PRPS2: variants seen among roughly 807,000 people sequenced by gnomAD.
PRPS2 encodes ribose-phosphate pyrophosphokinase 2.
For missense variants in PRPS2, 104 were observed against 271.5 expected, an observed-to-expected ratio of 0.38 and a Z score of 4.34; for synonymous variants, 111 against 115.3, an observed-to-expected ratio of 0.96 and a Z score of 0.24.
At chrX:12,806,658 T>C (rs1001848193) in intron 2 of PRPS2, among the ~76,000 whole-genome samples, 4 of 112,587 alleles carry the variant, frequency 3.6e-5, no homozygotes, top group African/African-American at 1.3e-4. Flanking sequence ...GGAATTACCC[T>C]GTGGTTTGGA....
At chrX:12,815,898 C>T (rs2042645559) in intron 4 of PRPS2, among the ~76,000 whole-genome samples, 1 of 112,089 alleles carries the variant, frequency 8.9e-6, no homozygotes, top group African/African-American at 3.2e-5. Context: ...CCACCTCGGC[C>T]TCCCAAAGTG....
intron 4 of PRPS2, 128 bp downstream of exon 4, chrX:12,810,274 G>T: frequency 1.1e-6 from 1 of 877,080 alleles, no homozygotes; most frequent in South Asian, 2.7e-5. Flanking sequence ...CAAGTAAGTA[G>T]ACCGCAGGCT....
At chrX:12,795,085 C>T (rs1005978985) in intron 1 of PRPS2, among the ~76,000 whole-genome samples, 3 of 111,252 alleles carry the variant, frequency 2.7e-5, no homozygotes, top group South Asian at 7.7e-4. Context: ...TTGGCCTCTT[C>T]ACCTTCAATG....
intron 4 of PRPS2, among the ~76,000 whole-genome samples, chrX:12,818,488 G>C (rs887649313): frequency 3.6e-5 from 4 of 110,768 alleles, no homozygotes; most frequent in African/African-American, 9.9e-5. Context: ...GCCCCAGAGA[G>C]TGTCCCCTCT....
intron 4 of PRPS2, among the ~76,000 whole-genome samples, chrX:12,814,494 T>C (rs1342806919): frequency 8.9e-6 from 1 of 112,753 alleles, no homozygotes; most frequent in Non-Finnish European, 1.9e-5. Context: ...TATCTGTGAC[T>C]TCTTTGCTTG....
intron 2 of PRPS2, among the ~76,000 whole-genome samples, chrX:12,802,907 G>A: frequency 8.9e-6 from 1 of 111,817 alleles, no homozygotes; most frequent in Non-Finnish European, 1.9e-5. Flanking sequence ...CCACGCAGAG[G>A]CAGGGCGGTT....
chrX:12,810,216 A>G, intron 4 of PRPS2, 70 bp downstream of exon 4: 2 of 1,160,601 alleles, frequency 1.7e-6, no homozygotes, highest in South Asian at 3.9e-5. Flanking sequence ...GATGTATTAG[A>G]TAAGGAAGCA....
intron 1 of PRPS2, 134 bp downstream of exon 1, chrX:12,791,753 C>A: frequency 1.6e-6 from 1 of 622,592 alleles, no homozygotes; most frequent in East Asian, 1.6e-4. Context: ...ACGGTGGCAA[C>A]GCGGCCTCCG....
chrX:12,813,404 G>T (rs2042633188), intron 4 of PRPS2, among the ~76,000 whole-genome samples: 1 of 112,232 alleles, frequency 8.9e-6, no homozygotes, highest in African/African-American at 3.2e-5. Flanking sequence ...TTGACATTTT[G>T]TACACGTGTG....
In PRPS2 at chrX:12,819,587, G is replaced by A. The variant is rs752956171; in HGVS notation, c.611G>A (p.Arg204Gln). ...AGGAAGAAGGCGAATGAAGTGGACC[G>A]GATGGTCCTGGTGGGCGACGTGAAG... is the stretch of plus-strand genomic sequence containing the variant. The part of the protein sequence containing the change: ...KERKKANEVD[R>Q]MVLVGDVKDR... The change falls in exon 5 of 7, where the codon CGG (arginine) becomes CAG (glutamine). Residue 204 changes from arginine to glutamine, a missense_variant. By Grantham distance (43) the Arg-to-Gln change is conservative. Coordinates refer to ENST00000380668, the MANE Select transcript of PRPS2 (RefSeq NM_002765.5). 4.1e-6 allele frequency: 5 copies of A among 1,210,251 alleles called. No individual in the cohort carries two copies. The African/African-American group carries it at 5.2e-5, about 13-fold the overall frequency.
intron 4 of PRPS2, among the ~76,000 whole-genome samples, chrX:12,818,490 G>A (rs1238570591): frequency 9.0e-6 from 1 of 110,643 alleles, no homozygotes; most frequent in East Asian, 2.8e-4. Flanking sequence ...CCCAGAGAGT[G>A]TCCCCTCTGT....
chrX:12,823,190 G>A lies in PRPS2; in HGVS notation c.*394G>A. ...AGGTGACTTCAGATTAAAGCCTTCT[G>A]TGTAAATATATACTGATAATGCCTA... On this transcript the variant is annotated 3_prime_UTR_variant, in exon 7 of 7. Coordinates refer to ENST00000380668, the MANE Select transcript of PRPS2 (RefSeq NM_002765.5). 7.2e-6 allele frequency: 1 copy of A among 138,084 alleles called. No individual in the cohort carries two copies. The highest frequency in any genetic ancestry group is 2.3e-4 in the East Asian group (1 of 4,300). The allele number at this position is 138,084 out of a possible 1,213,427, so 11.4% of individuals were successfully genotyped here. A position where few individuals can be genotyped will look rare whatever the true frequency, so the allele number is the denominator to read the frequency against.
chrX:12,807,195 C>G (rs893585672), intron 2 of PRPS2, among the ~76,000 whole-genome samples: 1 of 112,359 alleles, frequency 8.9e-6, no homozygotes, highest in African/African-American at 3.2e-5. Context: ...GCTGCGTCCT[C>G]CAGAGGGAAG....
At chrX:12,805,509 A>C (rs1314806815) in intron 2 of PRPS2, among the ~76,000 whole-genome samples, 1 of 112,359 alleles carries the variant, frequency 8.9e-6, no homozygotes. Flanking sequence ...GTGTGAAAGC[A>C]GCCATTAGTC....
intron 2 of PRPS2, among the ~76,000 whole-genome samples, chrX:12,804,898 A>G (rs1020482861): frequency 9.0e-6 from 1 of 110,719 alleles, no homozygotes; most frequent in Admixed American, 9.6e-5. Context: ...TGTATTACCT[A>G]TGACATCTAA....
chrX:12,795,651 C>T (rs1355507372), intron 1 of PRPS2, among the ~76,000 whole-genome samples: 2 of 111,745 alleles, frequency 1.8e-5, no homozygotes, highest in Non-Finnish European at 3.8e-5. Flanking sequence ...TAAACCCATT[C>T]TCAAGATAAT....
At chrX:12,818,049 G>A (rs1374475014) in intron 4 of PRPS2, among the ~76,000 whole-genome samples, 1 of 111,471 alleles carries the variant, frequency 9.0e-6, no homozygotes, top group Non-Finnish European at 1.9e-5. Flanking sequence ...GATAAATTCT[G>A]TGTTATGTAT....
At chrX:12,811,861 T>A (rs1348753458) in intron 4 of PRPS2, among the ~76,000 whole-genome samples, 4 of 112,093 alleles carry the variant, frequency 3.6e-5, no homozygotes, top group African/African-American at 1.3e-4. Flanking sequence ...CTGCTGGGGT[T>A]CCCAGCACAG....
At chrX:12,809,450 CT>C in intron 3 of PRPS2, 118 bp downstream of exon 3, 3 of 726,033 alleles carry the variant, frequency 4.1e-6, no homozygotes, top group Non-Finnish European at 6.1e-6. Flanking sequence ...TTTGTCTTTA[CT>C]AAACTTGAAA....
Sources: allele counts gnomAD v4.1 joint callset (sites outside exome capture counted in the v4.1 genomes callset), GRCh38; gene constraint gnomAD v4.1.1; transcripts MANE v1.5; gene names NCBI Gene and HGNC (gene_info 2026-07-23, HGNC 2026-07-21).